The following CRBN variants were observed in gnomAD, a reference collection of about 807,000 sequenced individuals.
CRBN encodes cereblon.
Under a neutral mutation model 62.2 loss-of-function variants are expected in CRBN, and 53 were observed. The ratio of observed to expected loss-of-function variants is 0.85; its 90% CI spans 0.68 to 1.07. The LOEUF (loss-of-function observed/expected upper bound fraction) is 1.07. Ranked by LOEUF, CRBN falls within the 50% of genes least tolerant of loss-of-function variation. CRBN has a pLI of 0.00. For synonymous variants in CRBN, 208 were observed against 176.1 expected, an observed-to-expected ratio of 1.18 and a Z score of -1.43; for missense variants, 616 against 531.1, an observed-to-expected ratio of 1.16 and a Z score of -1.57.
intron 5 of CRBN, among the ~76,000 whole-genome samples, chr3:3,163,170 G>C (rs571216012): frequency 6.6e-5 from 10 of 152,332 alleles, no homozygotes; most frequent in Admixed American, 3.9e-4. Flanking sequence ...TAGTGATCTA[G>C]ATTCCAAATT....
rs1205718659 is a variant in CRBN, at chr3:3,150,777, C to CTT, written c.*86_*87dup. 7 of 1,259,536 alleles carry CTT rather than the reference C, an allele frequency of 5.6e-6. No homozygotes were observed. The highest frequency in any genetic ancestry group is 7.9e-6 in the Non-Finnish European group (7 of 885,926). 78.0% of individuals were successfully genotyped at this position (1,259,536 alleles called of 1,614,324 possible). On this transcript the variant is annotated 3_prime_UTR_variant, in exon 11 of 11. Transcript: ENST00000231948. Reference sequence around the variant, plus strand: ...TACTTAGGTATTAATGTTATGTTTACTTAGGTATGTATCAGAGGCAATAAT... The same window carrying CTT: ...TACTTAGGTATTAATGTTATGTTTACTTTTAGGTATGTATCAGAGGCAATAAT...
At chr3:3,176,201 A>C (rs1200994824) in intron 1 of CRBN, among the ~76,000 whole-genome samples, 3 of 152,168 alleles carry the variant, frequency 2.0e-5, no homozygotes, top group East Asian at 3.8e-4. Flanking sequence ...TAATTTTAAC[A>C]CCTTAGACAA....
Position 3,156,283 on chromosome 3 carries a change from T to C in CRBN, c.688-2A>G, listed in dbSNP as rs753713398. ...TAGATTTGCACAATGAAACTTTCTC[T>C]GAAAACAAAACAAAAAGGCACTTAA... On this transcript the variant is annotated splice_acceptor_variant, in intron 5 of 10. Transcript: ENST00000231948. LOFTEE classifies it high-confidence loss of function. 12 of 1,613,734 alleles carry C rather than the reference T, an allele frequency of 7.4e-6. No individual in the cohort carries two copies. The highest frequency in any genetic ancestry group is 9.3e-6 in the Non-Finnish European group (11 of 1,179,738).
chr3:3,170,420 C>T (rs777707871), intron 4 of CRBN, among the ~76,000 whole-genome samples: 1 of 152,154 alleles, frequency 6.6e-6, no homozygotes, highest in Non-Finnish European at 1.5e-5. Flanking sequence ...GAAAGGGAAG[C>T]TGGCTTGAGT....
At chr3:3,170,205 T>C (rs1210840592) in intron 4 of CRBN, among the ~76,000 whole-genome samples, 1 of 152,206 alleles carries the variant, frequency 6.6e-6, no homozygotes, top group Non-Finnish European at 1.5e-5. Flanking sequence ...GGTCTTGAAC[T>C]GCTGGCCTTA....
intron 5 of CRBN, among the ~76,000 whole-genome samples, chr3:3,162,467 T>A (rs987369717): frequency 6.6e-6 from 1 of 152,062 alleles, no homozygotes; most frequent in Non-Finnish European, 1.5e-5. Context: ...ATGGAGTGGG[T>A]TTTGAAAGTG....
In CRBN at chr3:3,150,790, CAG is replaced by C. The variant is rs902081497; in HGVS notation, c.*73_*74del. The C allele has an allele frequency of 2.8e-6, 4 of 1,403,976 alleles. No homozygotes were observed. The African/African-American group carries it at 4.2e-5, about 15-fold the overall frequency. 87.0% of individuals were successfully genotyped at this position (1,403,976 alleles called of 1,614,324 possible). A position where few individuals can be genotyped will look rare whatever the true frequency, so the allele number is the denominator to read the frequency against. On this transcript the variant is annotated 3_prime_UTR_variant, in exon 11 of 11. Coordinates refer to ENST00000231948, the MANE Select transcript of CRBN (RefSeq NM_016302.4). ...ATGTTATGTTTACTTAGGTATGTAT[CAG>C]AGGCAATAATTTCCAAAGCAGATCT...
chr3:3,166,508 T>C (rs1559251621), intron 5 of CRBN, among the ~76,000 whole-genome samples: 1 of 152,152 alleles, frequency 6.6e-6, no homozygotes, highest in Non-Finnish European at 1.5e-5. Context: ...CTAAAGGCAG[T>C]ATCAATATTA....
At chr3:3,164,310 G>A (rs1181255493) in intron 5 of CRBN, among the ~76,000 whole-genome samples, 1 of 152,148 alleles carries the variant, frequency 6.6e-6, no homozygotes, top group African/African-American at 2.4e-5. Flanking sequence ...GGCCTCCTGG[G>A]GCAAACAGCA....
rs1356644176 is a variant in CRBN, at chr3:3,166,210, A to G, written c.687+1424T>C. 3.3e-4 allele frequency among the ~76,000 whole-genome samples: 50 copies of G among 152,132 alleles called. 2 individuals carry two copies. Among genetic ancestry groups the G allele is most frequent in the Admixed American group, 3.2e-3 (49 of 15,258 alleles). ...TGGGAGGTGACTGAATTATGGGGGC[A>G]GGTCTTTCCTGTGCTGTTCTTGTGA... On this transcript the variant is annotated intron_variant, in intron 5 of 10. Coordinates refer to ENST00000231948, the MANE Select transcript of CRBN (RefSeq NM_016302.4).
In CRBN at chr3:3,155,014, ACTGT is replaced by A. The variant is rs578181214; in HGVS notation, c.751-187_751-184del. ...TCAAGCTCCAGCTCCTTTGCCCAGC[ACTGT>A]CTGCCTTCCAGCCTTTTCTCACTCA... is the stretch of plus-strand genomic sequence containing the variant. On this transcript the variant is annotated intron_variant, in intron 6 of 10. Transcript: ENST00000231948. 375 of 609,146 alleles carry A rather than the reference ACTGT, an allele frequency of 6.2e-4. 1 individual carries two copies. The African/African-American group carries it at 6.2e-3, about 10-fold the overall frequency. The allele number at this position is 609,146 out of a possible 1,614,324, so 37.7% of individuals were successfully genotyped here. A position where few individuals can be genotyped will look rare whatever the true frequency, so the allele number is the denominator to read the frequency against.
At chr3:3,157,830 T>C (rs1256529999) in intron 5 of CRBN, among the ~76,000 whole-genome samples, 4 of 152,194 alleles carry the variant, frequency 2.6e-5, no homozygotes, top group Non-Finnish European at 5.9e-5. Flanking sequence ...TGTTATTCTA[T>C]TCCATGCTGT....
At position 3,156,244 on chromosome 3, in the gene CRBN, C is replaced by T. The variant is rs750933737; in HGVS notation, c.725G>A (p.Arg242His). The change falls in exon 6 of 11, where the codon CGC (arginine) becomes CAC (histidine). Residue 242 changes from arginine (R) to histidine (H), a missense_variant. Coordinates refer to ENST00000231948, the MANE Select transcript of CRBN (RefSeq NM_016302.4). Reference protein sequence around the residue: ...FHCANLTSWPRWLYSLYDAET... With the variant: ...FHCANLTSWPHWLYSLYDAET... ...AGCATCATATAAGGAATACAGCCAG[C>T]GAGGCCATGAAGTTAGATTTGCACA... The T allele has an allele frequency of 1.2e-5, 19 of 1,613,636 alleles. No homozygotes were observed. Among genetic ancestry groups the T allele is most frequent in the Middle Eastern group, 1.6e-4 (1 of 6,070 alleles).
chr3:3,150,277 CA>C lies in CRBN; in HGVS notation c.*587del, dbSNP rs200243789. On this transcript the variant is annotated 3_prime_UTR_variant, in exon 11 of 11. Transcript: ENST00000231948. The stretch of plus-strand genomic sequence containing the variant: ...AGGAAATGACAACTATTCGTGGGCT[CA>C]AAAAACTGCATATTTTAACTAATTT... 2.6e-5 allele frequency: 4 copies of C among 152,070 alleles called. No individual in the cohort carries two copies. The highest frequency in any genetic ancestry group is 3.9e-4 in the East Asian group (2 of 5,194). 9.4% of individuals were successfully genotyped at this position (152,070 alleles called of 1,614,324 possible). A position where few individuals can be genotyped will look rare whatever the true frequency, so the allele number is the denominator to read the frequency against.
At chr3:3,172,658 AAG>A in intron 4 of CRBN, 116 bp downstream of exon 4, 1 of 1,050,838 alleles carries the variant, frequency 9.5e-7, no homozygotes, top group Non-Finnish European at 1.5e-6. Flanking sequence ...TTAGAAGGGA[AAG>A]AGAACAACTA....
At chr3:3,151,131 A>AGAGGCAAATTC in intron 10 of CRBN, 86 bp from the exon 11 acceptor site, 1 of 1,386,334 alleles carries the variant, frequency 7.2e-7, no homozygotes, top group Non-Finnish European at 1.0e-6. Flanking sequence ...GACAGACTTT[A>AGAGGCAAATTC]GAGGCAAATT....
At position 3,151,194 on chromosome 3, in the gene CRBN, C is replaced by G. The variant is rs572910729; in HGVS notation, c.1149-149G>C. On this transcript the variant is annotated intron_variant, in intron 10 of 10. Transcript: ENST00000231948. ...TTTGATCCATACAGTTCCCTGAAAC[C>G]TAAAAACATTTCTAAAAACATTTTC... 1.4e-4 allele frequency: 112 copies of G among 807,912 alleles called. 2 individuals are homozygous for G. The South Asian group carries it at 1.9e-3, about 13-fold the overall frequency. 50.0% of individuals were successfully genotyped at this position (807,912 alleles called of 1,614,324 possible).
chr3:3,173,304 C>T (rs773529410), intron 3 of CRBN, among the ~76,000 whole-genome samples: 2 of 152,078 alleles, frequency 1.3e-5, no homozygotes, highest in Admixed American at 6.5e-5. Context: ...GTGATCCACC[C>T]GCCTCGGCCT....
intron 6 of CRBN, chr3:3,155,070 C>T: frequency 1.8e-6 from 1 of 542,966 alleles, no homozygotes; most frequent in South Asian, 2.1e-5. Context: ...GTATATGCTC[C>T]CAACTCCCTT....
Sources: gnomAD v4.1 joint callset for allele counts (sites outside exome capture counted in the v4.1 genomes callset) on GRCh38, gnomAD v4.1.1 for gene constraint, MANE v1.5 for transcripts, NCBI Gene and HGNC (gene_info 2026-07-23, HGNC 2026-07-21) for gene names.